Variants in FSTL5 observed in about 807,000 individuals in gnomAD.
FSTL5 encodes follistatin like 5.
FSTL5 carries 62 observed loss-of-function variants against 89.1 expected under a neutral mutation model. The ratio of observed to expected loss-of-function variants is 0.70; its 90% CI spans 0.57 to 0.86. The LOEUF (loss-of-function observed/expected upper bound fraction) is 0.86. FSTL5 is among the 40% of genes least tolerant of loss of function. FSTL5 has a pLI of 0.00. For missense variants in FSTL5, 1,057 were observed against 1,001.6 expected, an observed-to-expected ratio of 1.06 and a Z score of -0.75; for synonymous variants, 383 against 346.2, an observed-to-expected ratio of 1.11 and a Z score of -1.18.
At chr4:161,979,689 T>G (rs943913000) in intron 3 of FSTL5, among the ~76,000 whole-genome samples, 1 of 152,184 alleles carries the variant, frequency 6.6e-6, no homozygotes, top group African/African-American at 2.4e-5. Flanking sequence ...CTGGTTATTA[T>G]GTTCCCTTGG....
At chr4:162,071,559 A>C (rs981289702) in intron 2 of FSTL5, among the ~76,000 whole-genome samples, 1 of 151,748 alleles carries the variant, frequency 6.6e-6, no homozygotes, top group Non-Finnish European at 1.5e-5. Context: ...GGACTTCAAC[A>C]CCTCACATTC....
chr4:162,049,258 C>A (rs531811153), intron 2 of FSTL5, among the ~76,000 whole-genome samples: 13 of 152,260 alleles, frequency 8.5e-5, no homozygotes, highest in African/African-American at 2.6e-4. Flanking sequence ...GACTCAACAT[C>A]TAACTCTAAA....
intron 1 of FSTL5, among the ~76,000 whole-genome samples, chr4:162,137,898 G>A (rs906372219): frequency 6.6e-6 from 1 of 151,990 alleles, no homozygotes; most frequent in African/African-American, 2.4e-5. Flanking sequence ...TTTTAGGGAG[G>A]ATAAAAAGTA....
At chr4:161,984,993 G>A (rs757915489) in intron 3 of FSTL5, among the ~76,000 whole-genome samples, 20 of 146,146 alleles carry the variant, frequency 1.4e-4, no homozygotes, top group Non-Finnish European at 2.5e-4. Context: ...GTCTCATTCT[G>A]TTGCCCAGGC....
intron 6 of FSTL5, among the ~76,000 whole-genome samples, chr4:161,745,346 A>G (rs576356720): frequency 2.0e-5 from 3 of 152,070 alleles, no homozygotes; most frequent in African/African-American, 7.2e-5. Context: ...TATTTTGTAC[A>G]TCTGTAACTA....
At chr4:161,393,169 A>G (rs1326818098) in intron 15 of FSTL5, among the ~76,000 whole-genome samples, 2 of 152,116 alleles carry the variant, frequency 1.3e-5, no homozygotes, top group Non-Finnish European at 2.9e-5. Flanking sequence ...GTCTCAAAAA[A>G]AGAAAAGGAA....
At chr4:161,797,249 T>C (rs1228944991) in intron 4 of FSTL5, among the ~76,000 whole-genome samples, 5 of 151,660 alleles carry the variant, frequency 3.3e-5, no homozygotes, top group African/African-American at 1.2e-4. Flanking sequence ...TGACTTTTTT[T>C]ACTGGCTATT....
intron 3 of FSTL5, among the ~76,000 whole-genome samples, chr4:161,977,472 G>A (rs1475573672): frequency 6.6e-6 from 1 of 151,040 alleles, no homozygotes; most frequent in African/African-American, 2.4e-5. Flanking sequence ...AATTAGCCGG[G>A]CCTGGTGGCG....
At chr4:161,983,353 G>A (rs1267346476) in intron 3 of FSTL5, among the ~76,000 whole-genome samples, 2 of 152,116 alleles carry the variant, frequency 1.3e-5, no homozygotes, top group Admixed American at 6.5e-5. Context: ...AAATTTGCAT[G>A]TAATATTCTT....
At chr4:161,951,850 A>T (rs191472066) in intron 3 of FSTL5, among the ~76,000 whole-genome samples, 68 of 152,142 alleles carry the variant, frequency 4.5e-4, no homozygotes, top group African/African-American at 1.5e-3. Context: ...ATATTATTAT[A>T]TCATTATATG....
At chr4:161,694,844 T>TC (rs1378860170) in intron 6 of FSTL5, among the ~76,000 whole-genome samples, 2 of 140,816 alleles carry the variant, frequency 1.4e-5, no homozygotes, top group African/African-American at 5.3e-5. Flanking sequence ...CTAAATGCCT[T>TC]TTTTTTTTTT....
At chr4:161,611,050 A>G (rs1734616577) in intron 7 of FSTL5, among the ~76,000 whole-genome samples, 1 of 151,434 alleles carries the variant, frequency 6.6e-6, no homozygotes, top group Non-Finnish European at 1.5e-5. Flanking sequence ...ATCAGAGAAT[A>G]AACTGAGACA....
intron 4 of FSTL5, among the ~76,000 whole-genome samples, chr4:161,834,029 T>C (rs1437495955): frequency 6.6e-6 from 1 of 152,156 alleles, no homozygotes; most frequent in East Asian, 1.9e-4. Flanking sequence ...ATATCCTTGA[T>C]GAACATTGAT....
intron 4 of FSTL5, among the ~76,000 whole-genome samples, chr4:161,828,010 G>T (rs138758911): frequency 1.3e-5 from 2 of 152,300 alleles, no homozygotes; most frequent in East Asian, 3.9e-4. Flanking sequence ...ACAAAGTTCA[G>T]CTGGAAGTTT....
intron 6 of FSTL5, among the ~76,000 whole-genome samples, chr4:161,716,521 A>G (rs2126745543): frequency 6.6e-6 from 1 of 152,072 alleles, no homozygotes; most frequent in East Asian, 1.9e-4. Flanking sequence ...CGCTTGAACC[A>G]AGGAGGCAGA....
rs147366615 is a variant in FSTL5 at position 162,134,557 on chromosome 4, G to A, written c.-16-23145C>T. ...ACTTAATAACTCTTTGGTTTCCAAG[G>A]TATATTTTTTAAACACTACAGTACC... On this transcript the variant is annotated intron_variant, in intron 1 of 15. Transcript: ENST00000306100. Among the ~76,000 whole-genome samples, 1,037 of 152,162 alleles carry A rather than the reference G, an allele frequency of 6.8e-3. 9 individuals carry two copies. The highest frequency in any genetic ancestry group is 0.023 in the African/African-American group (940 of 41,502).
chr4:161,852,210 T>C (rs1230543436), intron 4 of FSTL5, among the ~76,000 whole-genome samples: 1 of 152,010 alleles, frequency 6.6e-6, no homozygotes, highest in African/African-American at 2.4e-5. Context: ...TTTGAAATCA[T>C]ACATTTAAGT....
chr4:161,452,242 A>G (rs529911577), intron 15 of FSTL5, among the ~76,000 whole-genome samples: 23 of 152,256 alleles, frequency 1.5e-4, no homozygotes, highest in Non-Finnish European at 2.8e-4. Flanking sequence ...TTGGGAGGCC[A>G]AGGTGGGTGG....
chr4:162,047,068 A>C (rs1351662447), intron 2 of FSTL5, among the ~76,000 whole-genome samples: 2 of 152,144 alleles, frequency 1.3e-5, no homozygotes, highest in South Asian at 2.1e-4. Flanking sequence ...GAAAATACAA[A>C]GACTTATTTC....
Sources: allele counts gnomAD v4.1 joint callset (sites outside exome capture counted in the v4.1 genomes callset), GRCh38; gene constraint gnomAD v4.1.1; transcripts MANE v1.5; gene names NCBI Gene and HGNC (gene_info 2026-07-23, HGNC 2026-07-21).